Variants in UBXN2B observed in about 807,000 individuals in gnomAD.
UBXN2B encodes the protein UBX domain-containing protein 2B.
In UBXN2B, 19 loss-of-function variants were observed where a neutral mutation model predicts 37.5. That is an observed-to-expected ratio of 0.51 (90% CI 0.35 to 0.74). UBXN2B has a LOEUF of 0.74. Ranked by LOEUF, UBXN2B falls within the 30% of genes least tolerant of loss-of-function variation. UBXN2B has a pLI of 0.01. For synonymous variants in UBXN2B, 145 were observed against 143.8 expected (o/e 1.01, Z -0.06); for missense variants, 370 against 393.2 (o/e 0.94, Z 0.50).
At chr8:58,438,089 G>A (rs78719196) in intron 5 of UBXN2B, among the ~76,000 whole-genome samples, 2,268 of 152,212 alleles carry the variant, frequency 0.015, 62 homozygotes, top group African/African-American at 0.052. Flanking sequence ...TCCAGCCGCA[G>A]CTCAAAAAGC....
intron 2 of UBXN2B, among the ~76,000 whole-genome samples, chr8:58,419,801 G>T (rs1807881200): frequency 6.6e-6 from 1 of 152,226 alleles, no homozygotes; most frequent in Non-Finnish European, 1.5e-5. Context: ...TAGCTTAGTA[G>T]CAAATAAGGT....
At chr8:58,425,337 T>A in intron 2 of UBXN2B, 1 of 1,154,884 alleles carries the variant, frequency 8.7e-7, no homozygotes, top group Non-Finnish European at 1.3e-6. Context: ...TTTCTTGGAA[T>A]ACCATCCGCC....
Position 58,450,597 on chromosome 8 carries a change from T to C in UBXN2B, c.*3046T>C, listed in dbSNP as rs1321440113. 6.6e-6 allele frequency: 1 copy of C among 152,280 alleles called. No homozygotes were observed. Among genetic ancestry groups the C allele is most frequent in the African/African-American group, 2.4e-5 (1 of 41,460 alleles). The allele number at this position is 152,280 out of a possible 1,614,324, so 9.4% of individuals were successfully genotyped here. A position where few individuals can be genotyped will look rare whatever the true frequency, so the allele number is the denominator to read the frequency against. ...TACTAACAGTCTGTTTAAGGCAGTT[T>C]AGCTTCTTTTCTGGCATGCTCCTCA... On this transcript the variant is annotated 3_prime_UTR_variant, in exon 8 of 8. Transcript: ENST00000399598.
chr8:58,414,395 T>C (rs1476053097), intron 1 of UBXN2B, among the ~76,000 whole-genome samples: 2 of 152,240 alleles, frequency 1.3e-5, no homozygotes, highest in Non-Finnish European at 2.9e-5. Context: ...TCCAATACTT[T>C]TAATATTTTG....
At chr8:58,423,084 TCA>T in intron 2 of UBXN2B, among the ~76,000 whole-genome samples, 1 of 133,866 alleles carries the variant, frequency 7.5e-6, no homozygotes, top group Non-Finnish European at 1.6e-5. Context: ...GACGAAATCA[TCA>T]TCATCATCAT....
In UBXN2B at chr8:58,450,603, CT is replaced by C. The variant is rs986758685; in HGVS notation, c.*3056del. On this transcript the variant is annotated 3_prime_UTR_variant, in exon 8 of 8. Transcript: ENST00000399598. ...CAGTCTGTTTAAGGCAGTTTAGCTT[CT>C]TTTCTGGCATGCTCCTCAGAATTCT... 3.3e-5 allele frequency: 5 copies of C among 152,240 alleles called. No homozygotes were observed. Among genetic ancestry groups the C allele is most frequent in the African/African-American group, 7.2e-5 (3 of 41,452 alleles). The allele number at this position is 152,240 out of a possible 1,614,324, so 9.4% of individuals were successfully genotyped here.
chr8:58,422,587 C>G (rs1294847955), intron 2 of UBXN2B, among the ~76,000 whole-genome samples: 1 of 152,216 alleles, frequency 6.6e-6, no homozygotes, highest in African/African-American at 2.4e-5. Context: ...AAAATGATCT[C>G]GTTCAACCTG....
intron 5 of UBXN2B, chr8:58,435,013 A>G (rs1341532813): frequency 1.3e-6 from 2 of 1,505,370 alleles, no homozygotes; most frequent in African/African-American, 2.8e-5. Flanking sequence ...CCATCCAAAG[A>G]ACATTGTAAC....
chr8:58,422,516 A>T (rs557551873), intron 2 of UBXN2B, among the ~76,000 whole-genome samples: 14 of 152,390 alleles, frequency 9.2e-5, no homozygotes, highest in African/African-American at 3.4e-4. Context: ...GCGAAGAGGG[A>T]TGTCTTTGGA....
intron 7 of UBXN2B, 75 bp from the exon 8 acceptor site, chr8:58,447,314 A>T (rs1241135948): frequency 7.3e-7 from 1 of 1,367,762 alleles, no homozygotes; most frequent in African/African-American, 1.5e-5. Flanking sequence ...TGTGATTTTT[A>T]TTATGATTCA....
chr8:58,435,549 C>A (rs533293792), intron 5 of UBXN2B, among the ~76,000 whole-genome samples: 1 of 151,988 alleles, frequency 6.6e-6, no homozygotes, highest in South Asian at 2.1e-4. Flanking sequence ...GGAAGAGCTG[C>A]GAGCAACTAG....
intron 6 of UBXN2B, 28 bp downstream of exon 6, chr8:58,439,798 C>T: frequency 2.6e-6 from 4 of 1,565,978 alleles, no homozygotes; most frequent in Non-Finnish European, 3.4e-6. Context: ...AGAAAAATAC[C>T]TTTGTTGAAC....
rs898171905 is a variant in UBXN2B at position 58,425,321 on chromosome 8, A to G, written c.189-5198A>G. On this transcript the variant is annotated intron_variant, in intron 2 of 7. Coordinates refer to ENST00000399598, the MANE Select transcript of UBXN2B (RefSeq NM_001077619.2). Reference sequence around the variant, plus strand: ...TCTTTCGTTGTCATGACAATCACTCAGGAGTTTTCTTGGAATACCATCCGC... The same window carrying G: ...TCTTTCGTTGTCATGACAATCACTCGGGAGTTTTCTTGGAATACCATCCGC... The G allele has an allele frequency of 1.8e-5, 21 of 1,161,400 alleles. No homozygotes were observed. The African/African-American group carries it at 3.0e-4, about 17-fold the overall frequency. The allele number at this position is 1,161,400 out of a possible 1,614,324, so 71.9% of individuals were successfully genotyped here. A position where few individuals can be genotyped will look rare whatever the true frequency, so the allele number is the denominator to read the frequency against.
chr8:58,445,790 A>G (rs560631761), intron 6 of UBXN2B, 117 bp from the exon 7 acceptor site: 1 of 810,208 alleles, frequency 1.2e-6, no homozygotes, highest in African/African-American at 1.8e-5. Flanking sequence ...ATATAATGAA[A>G]GAGGTTGAAA....
chr8:58,425,206 C>CT, intron 2 of UBXN2B: 1 of 997,152 alleles, frequency 1.0e-6, no homozygotes, highest in Non-Finnish European at 1.6e-6. Context: ...GGTGCTTTCT[C>CT]TGATATTCCT....
intron 3 of UBXN2B, among the ~76,000 whole-genome samples, chr8:58,431,058 T>C (rs1207726965): frequency 6.6e-6 from 1 of 152,220 alleles, no homozygotes; most frequent in Non-Finnish European, 1.5e-5. Flanking sequence ...TTTTATCACA[T>C]GTGTAATCAC....
chr8:58,441,871 G>C (rs1266305092), intron 6 of UBXN2B, among the ~76,000 whole-genome samples: 1 of 152,188 alleles, frequency 6.6e-6, no homozygotes, highest in Non-Finnish European at 1.5e-5. Flanking sequence ...CTTGCTGGTA[G>C]TAATAGGTTT....
chr8:58,412,484 G>A (rs1807663520), intron 1 of UBXN2B, among the ~76,000 whole-genome samples: 1 of 152,216 alleles, frequency 6.6e-6, no homozygotes, highest in Admixed American at 6.5e-5. Flanking sequence ...GCCAAAATAA[G>A]CAGTGCATAA....
At chr8:58,435,866 T>C (rs1365445395) in intron 5 of UBXN2B, among the ~76,000 whole-genome samples, 11 of 152,204 alleles carry the variant, frequency 7.2e-5, no homozygotes, top group Admixed American at 7.2e-4. Context: ...GGTTCTCAGC[T>C]ATGTAAGACC....
Sources: gnomAD v4.1 joint callset for allele counts (sites outside exome capture counted in the v4.1 genomes callset) on GRCh38, gnomAD v4.1.1 for gene constraint, MANE v1.5 for transcripts, NCBI Gene and HGNC (gene_info 2026-07-23, HGNC 2026-07-21) for gene names.